Variants in TBC1D10C observed in about 807,000 individuals in gnomAD.
The protein encoded by TBC1D10C is carabin.
A neutral mutation model predicts 51.0 loss-of-function variants in TBC1D10C; 49 were observed. The ratio of observed to expected loss-of-function variants is 0.96; its 90% CI spans 0.76 to 1.22. The LOEUF is 1.22. Ranked by LOEUF, TBC1D10C falls within the 50% of genes most tolerant of loss-of-function variation. The probability of loss-of-function intolerance (pLI) is 0.00; values close to 1 mark genes in which losing one functional copy is unlikely to be tolerated. For synonymous variants in TBC1D10C, 281 were observed against 266.7 expected, an observed-to-expected ratio of 1.05 and a Z score of -0.52; for missense variants, 541 against 617.5, an observed-to-expected ratio of 0.88 and a Z score of 1.31.
At chr11:67,407,371 T>G in intron 7 of TBC1D10C, 1 of 249,764 alleles carries the variant, frequency 4.0e-6, no homozygotes. Context: ...AATCAAGTGA[T>G]CGAGACCTTC....
chr11:67,405,260 A>C, intron 2 of TBC1D10C, 76 bp downstream of exon 2: 1 of 1,509,828 alleles, frequency 6.6e-7, no homozygotes, highest in Non-Finnish European at 9.0e-7. Flanking sequence ...GGCAAAATGT[A>C]CCCACCCTGT....
At position 67,405,617 on chromosome 11, in the gene TBC1D10C, A is replaced by T; in HGVS notation, c.383A>T (p.Asp128Val). The change falls in exon 4 of 9, where the codon GAC becomes GTC. Residue 128 changes from aspartate (D) to valine (V), a missense_variant. Physicochemically the swap from Asp to Val is radical, Grantham distance 152. Transcript: ENST00000542590. ...TYQELAEAPGDPQWMETIGRD... is the reference protein window; with the variant it reads ...TYQELAEAPGVPQWMETIGRD... ...CAGGAGCTGGCAGAGGCCCCTGGAG[A>T]CCCACAGTGGATGGAGACCATTGGC... 1 of 1,613,750 alleles carries T rather than the reference A, an allele frequency of 6.2e-7. No homozygotes were observed. Among genetic ancestry groups the T allele is most frequent in the Non-Finnish European group, 8.5e-7 (1 of 1,179,950 alleles).
rs1276283646 is a variant in TBC1D10C, at chr11:67,405,465, G to A, written c.319G>A (p.Gly107Arg). Reference sequence around the variant, plus strand: ...CGCCCGATGCTGGCCCCTGTTGTGTGGGGCCCATGTGTGCCAGAAGAACAG... The same window carrying A: ...CGCCCGATGCTGGCCCCTGTTGTGTAGGGCCCATGTGTGCCAGAAGAACAG... ...LRARCWPLLC[G>R]AHVCQKNSPG... Residue 107 changes from glycine (G) to arginine (R), a missense_variant, in exon 3 of 9, where the codon GGG (glycine) becomes AGG (arginine). Transcript: ENST00000542590. 1 of 1,613,382 alleles carries A rather than the reference G, an allele frequency of 6.2e-7. No homozygotes were observed. The highest frequency in any genetic ancestry group is 1.1e-5 in the South Asian group (1 of 91,072).
At chr11:67,407,126 G>A (rs1638586) in intron 7 of TBC1D10C, 110 bp downstream of exon 7, 166,957 of 1,281,398 alleles carry the variant, frequency 0.13, 28,136 homozygotes, top group African/African-American at 0.72. Context: ...GACTGGGTGT[G>A]CCGAAGGTGA....
chr11:67,409,760 C>A lies in TBC1D10C; in HGVS notation c.*6C>A. 1 of 1,573,114 alleles carries A rather than the reference C, an allele frequency of 6.4e-7. No individual in the cohort carries two copies. ...TCCTGGACACCCGCTTCTGAGAGGA[C>A]CATGGACTTAGTGTCCCCCAGTCTC... On this transcript the variant is annotated 3_prime_UTR_variant, in exon 9 of 9. Transcript: ENST00000542590.
chr11:67,408,640 A>G (rs1863296409), intron 7 of TBC1D10C: 2 of 239,304 alleles, frequency 8.4e-6, no homozygotes, highest in South Asian at 1.7e-4. Flanking sequence ...CCCGGAGCCC[A>G]CAGGCACCTG....
chr11:67,405,920 A>C lies in TBC1D10C; in HGVS notation c.485A>C (p.Gln162Pro). Reference sequence around the variant, plus strand: ...CGGCACAGGCAGCAGGGGCTCCTGCAGGTGCTCAAGGCCTACACCCTGTAT... The same window carrying C: ...CGGCACAGGCAGCAGGGGCTCCTGCCGGTGCTCAAGGCCTACACCCTGTAT... ...PQGHGQQGLL[Q>P]VLKAYTLYRP... Residue 162 changes from glutamine to proline, a missense_variant, in exon 5 of 9, where the codon CAG becomes CCG. By Grantham distance (76) the Gln-to-Pro change is moderately conservative. Coordinates refer to ENST00000542590, the MANE Select transcript of TBC1D10C (RefSeq NM_001369496.1). The C allele has an allele frequency of 6.3e-7, 1 of 1,598,068 alleles. No individual in the cohort carries two copies. The highest frequency in any genetic ancestry group is 8.5e-7 in the Non-Finnish European group (1 of 1,173,258).
At position 67,405,632 on chromosome 11, in the gene TBC1D10C, A is replaced by T. The variant is rs1429897978; in HGVS notation, c.398A>T (p.Glu133Val). The T allele has an allele frequency of 5.0e-6, 8 of 1,613,778 alleles. No individual in the cohort carries two copies. Among genetic ancestry groups the T allele is most frequent in the Non-Finnish European group, 6.8e-6 (8 of 1,180,006 alleles). ...AEAPGDPQWM[E>V]TIGRDLHRQF... ...GCCCCTGGAGACCCACAGTGGATGG[A>T]GACCATTGGCAGGGACCTGCACCGT... Residue 133 changes from glutamate to valine, a missense_variant, in exon 4 of 9, where the codon GAG (glutamate) becomes GTG (valine). Coordinates refer to ENST00000542590, the MANE Select transcript of TBC1D10C (RefSeq NM_001369496.1).
chr11:67,405,763 T>G lies in TBC1D10C; in HGVS notation c.467+62T>G. 3 of 1,594,932 alleles carry G rather than the reference T, an allele frequency of 1.9e-6. No individual in the cohort carries two copies. The Admixed American group carries it at 5.1e-5, about 27-fold the overall frequency. On this transcript the variant is annotated intron_variant, in intron 4 of 8. Transcript: ENST00000542590. Reference sequence around the variant, plus strand: ...ACAAGCCCCAGGTGCTCCAGCCCACTTTCCCTAGCCCAGCTCTACAGTCTT... The same window carrying G: ...ACAAGCCCCAGGTGCTCCAGCCCACGTTCCCTAGCCCAGCTCTACAGTCTT...
Position 67,405,493 on chromosome 11 carries a change from C to T in TBC1D10C, c.347C>T (p.Pro116Leu), listed in dbSNP as rs760305095. 6.8e-6 allele frequency: 11 copies of T among 1,613,712 alleles called. No homozygotes were observed. The highest frequency in any genetic ancestry group is 9.3e-6 in the Non-Finnish European group (11 of 1,179,974). The change falls in exon 3 of 9, where the codon CCT becomes CTT. Residue 116 changes from proline to leucine, a missense_variant. Coordinates refer to ENST00000542590, the MANE Select transcript of TBC1D10C (RefSeq NM_001369496.1). ...GCCCATGTGTGCCAGAAGAACAGCC[C>T]TGGCACCTATCAGGTGAGGGAGTGG... Reference protein sequence around the residue: ...CGAHVCQKNSPGTYQELAEAP... With the variant: ...CGAHVCQKNSLGTYQELAEAP...
intron 1 of TBC1D10C, among the ~76,000 whole-genome samples, 186 bp downstream of exon 1, chr11:67,404,540 G>A (rs889560330): frequency 5.9e-5 from 9 of 152,088 alleles, no homozygotes; most frequent in African/African-American, 1.7e-4. Context: ...GCCTCTGTAC[G>A]TCTCTTACCC....
In TBC1D10C at chr11:67,405,118, A is replaced by G. The variant is rs1339401540; in HGVS notation, c.186A>G (p.Gln62=). The G allele has an allele frequency of 3.2e-6, 5 of 1,551,328 alleles. No individual in the cohort carries two copies. Among genetic ancestry groups the G allele is most frequent in the African/African-American group, 1.4e-5 (1 of 73,058 alleles). Residue 62 remains glutamine, a synonymous_variant, in exon 2 of 9, where the codon CAA becomes CAG. Transcript: ENST00000542590. The stretch of plus-strand genomic sequence containing the variant: ...ACCCACCTGCAGACCTCATCCGCCA[A>G]CGGGAGATGAAGTGGGTGGAGATGA... ...PGHPPADLIR[Q]REMKWVEMTS...
Position 67,409,022 on chromosome 11 carries a change from G to C in TBC1D10C, c.882G>C (p.Leu294=). 6.3e-7 allele frequency: 1 copy of C among 1,577,154 alleles called. No homozygotes were observed. The highest frequency in any genetic ancestry group is 1.2e-5 in the South Asian group (1 of 86,412). The change falls in exon 8 of 9, where the codon CTG becomes CTC. Residue 294 remains leucine (L), a synonymous_variant. Transcript: ENST00000542590. ...LFRVGLTLVR[L]ALGTAEQRGA... is the part of the protein sequence containing the mutation. Reference sequence around the variant, plus strand: ...GTGTGGGGCTGACACTGGTGCGCCTGGCGCTGGGCACTGCAGAGCAGCGAG... The same window carrying C: ...GTGTGGGGCTGACACTGGTGCGCCTCGCGCTGGGCACTGCAGAGCAGCGAG...
chr11:67,407,064 G>C (rs754853155), intron 7 of TBC1D10C, 48 bp downstream of exon 7: 3 of 1,561,824 alleles, frequency 1.9e-6, no homozygotes, highest in Admixed American at 1.9e-5. Flanking sequence ...GGGTGTGGGT[G>C]GGGAGGTAGC....
rs746765849 is a variant in TBC1D10C at position 67,406,850 on chromosome 11, G to C, written c.672G>C (p.Glu224Asp). 1 of 1,609,520 alleles carries C rather than the reference G, an allele frequency of 6.2e-7. No individual in the cohort carries two copies. The highest frequency in any genetic ancestry group is 8.5e-7 in the Non-Finnish European group (1 of 1,178,896). The change falls in exon 7 of 9, where the codon GAG (glutamate) becomes GAC (aspartate). Residue 224 changes from glutamate (E) to aspartate (D), a missense_variant. Coordinates refer to ENST00000542590, the MANE Select transcript of TBC1D10C (RefSeq NM_001369496.1). Reference protein sequence around the residue: ...PHMEAVRLDAEVFMALLRRLL... With the variant: ...PHMEAVRLDADVFMALLRRLL... ...AGGAGGCTGTGCGGCTGGACGCCGA[G>C]GTGTTCATGGCCCTGCTGCGGCGGC...
chr11:67,404,856 T>C, intron 1 of TBC1D10C: 2 of 528,974 alleles, frequency 3.8e-6, no homozygotes, highest in South Asian at 5.0e-5. Flanking sequence ...CCTCCCCCAA[T>C]ACACACCCAC....
At chr11:67,406,576 G>A (rs1244210969) in intron 5 of TBC1D10C, 51 bp from the exon 6 acceptor site, 16 of 1,498,038 alleles carry the variant, frequency 1.1e-5, no homozygotes, top group South Asian at 2.4e-5. Flanking sequence ...TCTCCTCCAC[G>A]GTCCCTTCCT....
At position 67,410,017 on chromosome 11, in the gene TBC1D10C, A is replaced by C; in HGVS notation, c.*263A>C. 2.3e-6 allele frequency: 1 copy of C among 442,660 alleles called. No homozygotes were observed. 27.4% of individuals were successfully genotyped at this position (442,660 alleles called of 1,614,324 possible). ...CTCACAAGTACCAAAGCCAGCACCA[A>C]AGGAGTCAGGGAAGGGGTTGGCTGA... On this transcript the variant is annotated 3_prime_UTR_variant, in exon 9 of 9. Coordinates refer to ENST00000542590, the MANE Select transcript of TBC1D10C (RefSeq NM_001369496.1).
chr11:67,406,082 G>A lies in TBC1D10C; in HGVS notation c.582+65G>A, dbSNP rs76663202. ...TAGGCCCAGGGAACCCCATCCCCAG[G>A]AACTGTGGCCTCAGAAACCTGCAAT... On this transcript the variant is annotated intron_variant, in intron 5 of 8. Transcript: ENST00000542590. 2.5e-3 allele frequency: 3,365 copies of A among 1,360,576 alleles called. 124 individuals carry two copies. The East Asian group carries it at 0.071, about 29-fold the overall frequency. 84.3% of individuals were successfully genotyped at this position (1,360,576 alleles called of 1,614,324 possible). A position where few individuals can be genotyped will look rare whatever the true frequency, so the allele number is the denominator to read the frequency against.
Sources: gnomAD v4.1 joint callset for allele counts (sites outside exome capture counted in the v4.1 genomes callset) on GRCh38, gnomAD v4.1.1 for gene constraint, MANE v1.5 for transcripts, NCBI Gene and HGNC (gene_info 2026-07-23, HGNC 2026-07-21) for gene names.